Variants in CSN1S1 observed in about 807,000 individuals in gnomAD.
CSN1S1 encodes alpha-S1-casein.
CSN1S1 carries 63 observed loss-of-function variants against 49.1 expected under a neutral mutation model. That is an observed-to-expected ratio of 1.28 (90% confidence interval 1.05 to 1.58). The LOEUF (loss-of-function observed/expected upper bound fraction) is 1.58. Ranked by LOEUF, CSN1S1 falls within the 40% of genes most tolerant of loss-of-function variation. The pLI, the probability that CSN1S1 is intolerant of heterozygous loss-of-function variation, is 0.00. For missense variants in CSN1S1, 260 were observed against 224.7 expected (o/e 1.16, Z -1.01); for synonymous variants, 78 against 67.1 (o/e 1.16, Z -0.79).
intron 14 of CSN1S1, among the ~76,000 whole-genome samples, chr4:69,943,768 G>A (rs185642285): frequency 6.6e-6 from 1 of 152,010 alleles, no homozygotes; most frequent in Admixed American, 6.6e-5. Context: ...TGGTGGAAGA[G>A]CAAAAAAGAA....
chr4:69,938,401 T>C (rs1412426089), intron 9 of CSN1S1, among the ~76,000 whole-genome samples: 3 of 151,374 alleles, frequency 2.0e-5, no homozygotes, highest in Admixed American at 6.6e-5. Context: ...GGCAAAAACC[T>C]CAATTACTTT....
intron 15 of CSN1S1, among the ~76,000 whole-genome samples, chr4:69,945,476 A>G (rs1407599184): frequency 6.6e-6 from 1 of 151,960 alleles, no homozygotes; most frequent in Non-Finnish European, 1.5e-5. Context: ...AATAATCCTT[A>G]TTTATTATAA....
At chr4:69,937,860 G>T in intron 9 of CSN1S1, 37 bp downstream of exon 9, 1 of 1,501,992 alleles carries the variant, frequency 6.7e-7, no homozygotes, top group South Asian at 1.3e-5. Context: ...CTACACTTAC[G>T]TATCAAACAT....
intron 12 of CSN1S1, 24 bp downstream of exon 12, chr4:69,941,084 C>CA: frequency 8.2e-7 from 1 of 1,223,488 alleles, no homozygotes; most frequent in South Asian, 1.5e-5. Flanking sequence ...CATTATAATA[C>CA]AAAATCATAT....
intron 15 of CSN1S1, among the ~76,000 whole-genome samples, chr4:69,945,359 A>C (rs1202943531): frequency 6.6e-6 from 1 of 152,032 alleles, no homozygotes; most frequent in East Asian, 1.9e-4. Flanking sequence ...CCTTCTGGTT[A>C]TACCTATGAT....
chr4:69,934,679 A>AT lies in CSN1S1; in HGVS notation c.85-5dup, dbSNP rs752930748. 10 of 1,606,050 alleles carry AT rather than the reference A, an allele frequency of 6.2e-6. No individual in the cohort carries two copies. The highest frequency in any genetic ancestry group is 8.5e-6 in the Non-Finnish European group (10 of 1,173,950). ...GGAATAATACCATTTAAAAATTATTATTTTTTACAGAATCCATCAGAGAGC... is the reference window on the plus strand; with the variant it reads ...GGAATAATACCATTTAAAAATTATTATTTTTTTACAGAATCCATCAGAGAGC... On this transcript the variant is annotated splice_polypyrimidine_tract_variant and intron_variant, in intron 3 of 15. Coordinates refer to ENST00000246891, the MANE Select transcript of CSN1S1 (RefSeq NM_001890.2).
rs764971630 is a variant in CSN1S1 at position 69,945,009 on chromosome 4, G to A, written c.557+5G>A. The A allele has an allele frequency of 6.2e-7, 1 of 1,612,044 alleles. No individual in the cohort carries two copies. Among genetic ancestry groups the A allele is most frequent in the Non-Finnish European group, 8.5e-7 (1 of 1,178,670 alleles). On this transcript the variant is annotated splice_donor_5th_base_variant and intron_variant, in intron 15 of 15. Transcript: ENST00000246891. ...TAACGTCATGCTACAGTGGTGGTAA[G>A]TTCATTTAAATTACTACATCTTGAT...
At chr4:69,933,709 G>C (rs1722680681) in intron 2 of CSN1S1, among the ~76,000 whole-genome samples, 1 of 151,802 alleles carries the variant, frequency 6.6e-6, no homozygotes, top group South Asian at 2.1e-4. Context: ...TGTTTAACGT[G>C]GTCTTGTCTC....
At chr4:69,945,082 G>C in intron 15 of CSN1S1, 78 bp downstream of exon 15, 1 of 1,481,506 alleles carries the variant, frequency 6.7e-7, no homozygotes, top group South Asian at 1.2e-5. Flanking sequence ...GATACCATAA[G>C]AACAGATTTA....
At position 69,935,922 on chromosome 4, in the gene CSN1S1, G is replaced by GT; in HGVS notation, c.106-3dup. On this transcript the variant is annotated splice_polypyrimidine_tract_variant and splice_region_variant and intron_variant, in intron 4 of 15. Coordinates refer to ENST00000246891, the MANE Select transcript of CSN1S1 (RefSeq NM_001890.2). ...GAATTTTAACATAACTTTTTTTTTTGTAGCCTATACCATTAGAATCAAGAG... is the reference window on the plus strand; with the variant it reads ...GAATTTTAACATAACTTTTTTTTTTGTTAGCCTATACCATTAGAATCAAGAG... The GT allele has an allele frequency of 6.7e-7, 1 of 1,489,458 alleles. No individual in the cohort carries two copies. Among genetic ancestry groups the GT allele is most frequent in the Non-Finnish European group, 9.0e-7 (1 of 1,105,178 alleles). 92.3% of individuals were successfully genotyped at this position (1,489,458 alleles called of 1,614,324 possible).
At chr4:69,936,753 A>G in intron 7 of CSN1S1, 146 bp downstream of exon 7, 1 of 689,882 alleles carries the variant, frequency 1.4e-6, no homozygotes, top group South Asian at 2.1e-5. Context: ...TGACTAATGG[A>G]GTCTGCTGAG....
chr4:69,933,359 T>C (rs1722669387), intron 2 of CSN1S1, among the ~76,000 whole-genome samples: 1 of 152,018 alleles, frequency 6.6e-6, no homozygotes, highest in Non-Finnish European at 1.5e-5. Context: ...ATTTGGACAC[T>C]GAAATTATCT....
At chr4:69,936,308 T>C (rs1395812809) in intron 5 of CSN1S1, 148 bp from the exon 6 acceptor site, 1 of 700,380 alleles carries the variant, frequency 1.4e-6, no homozygotes, top group Non-Finnish European at 2.4e-6. Flanking sequence ...TTAGAAATGA[T>C]ATAATAAGGA....
intron 12 of CSN1S1, among the ~76,000 whole-genome samples, chr4:69,941,571 C>T (rs1021278871): frequency 3.3e-5 from 5 of 151,816 alleles, no homozygotes; most frequent in East Asian, 1.9e-4. Context: ...CAATAAAAAC[C>T]TTTCAGTAAC....
intron 7 of CSN1S1, 108 bp downstream of exon 7, chr4:69,936,715 C>A: frequency 9.8e-7 from 1 of 1,024,338 alleles, no homozygotes; most frequent in Non-Finnish European, 1.4e-6. Context: ...TTGTCCTTTC[C>A]TTGAACTTTT....
intron 15 of CSN1S1, 77 bp from the exon 16 acceptor site, chr4:69,946,119 T>C (rs1723157807): frequency 2.4e-6 from 1 of 416,744 alleles, no homozygotes; most frequent in Non-Finnish European, 4.5e-6. Flanking sequence ...TAGTAAAACG[T>C]GTTCTACCAT....
At chr4:69,933,220 C>T (rs1365704749) in intron 2 of CSN1S1, among the ~76,000 whole-genome samples, 1 of 151,890 alleles carries the variant, frequency 6.6e-6, no homozygotes, top group Non-Finnish European at 1.5e-5. Context: ...GTGTTTATAT[C>T]AATTAGATAA....
Position 69,945,129 on chromosome 4 carries a change from C to A in CSN1S1, c.557+125C>A, listed in dbSNP as rs528855395. The A allele has an allele frequency of 4.8e-5, 46 of 955,782 alleles. No homozygotes were observed. In the South Asian group the frequency reaches 7.4e-4, roughly 15 times the overall value. The allele number at this position is 955,782 out of a possible 1,614,324, so 59.2% of individuals were successfully genotyped here. A position where few individuals can be genotyped will look rare whatever the true frequency, so the allele number is the denominator to read the frequency against. ...GCAAATCAATGCCTACTGCAAAGGA[C>A]TAATATGTTCTGAAATGGAAAATTG... On this transcript the variant is annotated intron_variant, in intron 15 of 15. Transcript: ENST00000246891.
chr4:69,935,796 AC>A (rs1722759581), intron 4 of CSN1S1, 129 bp from the exon 5 acceptor site: 1 of 681,174 alleles, frequency 1.5e-6, no homozygotes, highest in Non-Finnish European at 2.6e-6. Flanking sequence ...CATATGTGTC[AC>A]ATTCTCTATA....
Sources: allele counts gnomAD v4.1 joint callset (sites outside exome capture counted in the v4.1 genomes callset), GRCh38; gene constraint gnomAD v4.1.1; transcripts MANE v1.5; gene names NCBI Gene and HGNC (gene_info 2026-07-23, HGNC 2026-07-21).